The following CCSER1 variants were observed in gnomAD, a reference collection of about 807,000 sequenced individuals.
CCSER1 encodes coiled-coil serine rich protein 1.
A neutral mutation model predicts 82.0 loss-of-function variants in CCSER1; 41 were observed. The ratio of observed to expected loss-of-function variants is 0.50; its 90% confidence interval spans 0.39 to 0.65. The LOEUF (loss-of-function observed/expected upper bound fraction) is 0.65. Ranked by LOEUF, CCSER1 falls within the 30% of genes least tolerant of loss-of-function variation. The pLI, the probability that CCSER1 is intolerant of heterozygous loss-of-function variation, is 0.00. For missense variants in CCSER1, 1,119 were observed against 1,064.2 expected (o/e 1.05, Z -0.72); for synonymous variants, 414 against 383.9 (o/e 1.08, Z -0.92).
intron 1 of CCSER1, among the ~76,000 whole-genome samples, chr4:90,176,668 A>G (rs6532215): frequency 0.31 from 47,230 of 151,790 alleles, 8,598 homozygotes; most frequent in East Asian, 0.65. Context: ...GAAGATTCCC[A>G]GAACCATTCC....
intron 8 of CCSER1, among the ~76,000 whole-genome samples, chr4:90,916,642 A>T (rs1727474586): frequency 6.6e-6 from 1 of 152,226 alleles, no homozygotes; most frequent in South Asian, 2.1e-4. Flanking sequence ...AGCAATGGCA[A>T]CAAAAGCAAA....
At chr4:91,537,526 G>C (rs1761356934) in intron 10 of CCSER1, among the ~76,000 whole-genome samples, 5 of 151,892 alleles carry the variant, frequency 3.3e-5, no homozygotes, top group Admixed American at 3.3e-4. Flanking sequence ...CACAAAAATG[G>C]TATGAAACTT....
At chr4:90,505,907 A>G (rs151285668) in intron 5 of CCSER1, among the ~76,000 whole-genome samples, 51 of 152,244 alleles carry the variant, frequency 3.3e-4, no homozygotes, top group Non-Finnish European at 5.6e-4. Flanking sequence ...CACTCCCATT[A>G]AAGTCTCTTA....
At chr4:90,220,352 A>G (rs1392969703) in intron 1 of CCSER1, among the ~76,000 whole-genome samples, 1 of 152,080 alleles carries the variant, frequency 6.6e-6, no homozygotes, top group African/African-American at 2.4e-5. Flanking sequence ...CTTATCTCAA[A>G]ACAACAAACT....
chr4:91,084,451 A>C (rs1481473601), intron 9 of CCSER1, among the ~76,000 whole-genome samples: 1 of 152,158 alleles, frequency 6.6e-6, no homozygotes, highest in Non-Finnish European at 1.5e-5. Context: ...AAATTGAGAG[A>C]TATTATGTAA....
intron 7 of CCSER1, among the ~76,000 whole-genome samples, chr4:90,753,952 T>G (rs1206928880): frequency 6.6e-6 from 1 of 152,194 alleles, no homozygotes; most frequent in East Asian, 1.9e-4. Flanking sequence ...TATCATCCTG[T>G]CTTCACATTA....
At chr4:91,461,836 G>C (rs551455564) in intron 10 of CCSER1, among the ~76,000 whole-genome samples, 1 of 152,232 alleles carries the variant, frequency 6.6e-6, no homozygotes, top group Admixed American at 6.5e-5. Context: ...CAGGCATGTA[G>C]CAGATCCATA....
Position 90,172,553 on chromosome 4 carries a change from A to G in CCSER1, c.-42+44722A>G, listed in dbSNP as rs185761102. 5.4e-3 allele frequency among the ~76,000 whole-genome samples: 817 copies of G among 151,990 alleles called. 9 individuals carry two copies. The highest frequency in any genetic ancestry group is 0.019 in the African/African-American group (784 of 41,520). Reference sequence around the variant, plus strand: ...AATTCATTTAATCTGAATAACAACCATATCAGAAGTATAGTATAATTAATT... The same window carrying G: ...AATTCATTTAATCTGAATAACAACCGTATCAGAAGTATAGTATAATTAATT... On this transcript the variant is annotated intron_variant, in intron 1 of 10. Transcript: ENST00000509176.
chr4:90,784,863 T>C (rs1754261926), intron 7 of CCSER1, among the ~76,000 whole-genome samples: 1 of 152,150 alleles, frequency 6.6e-6, no homozygotes, highest in African/African-American at 2.4e-5. Flanking sequence ...AAAGAAAATG[T>C]TTTTAAGGAA....
At chr4:91,070,757 AAAT>A (rs948103089) in intron 9 of CCSER1, among the ~76,000 whole-genome samples, 3 of 152,174 alleles carry the variant, frequency 2.0e-5, no homozygotes, top group African/African-American at 7.2e-5. Context: ...GCGGTGGAAA[AAAT>A]GCCTTCCACA....
In CCSER1 at chr4:90,309,129, C is replaced by T; in HGVS notation, c.845C>T (p.Ser282Phe). The change falls in exon 2 of 11, where the codon TCC becomes TTC. Residue 282 changes from serine (S) to phenylalanine (F), a missense_variant. By Grantham distance (155) the Ser-to-Phe change is radical. Transcript: ENST00000509176. The part of the protein sequence containing the change: ...DAFSKSGSMA[S>F]HCDNFGHNDS... Reference sequence around the variant, plus strand: ...TTTTCTAAAAGTGGAAGCATGGCATCCCACTGTGACAACTTTGGCCACAAT... The same window carrying T: ...TTTTCTAAAAGTGGAAGCATGGCATTCCACTGTGACAACTTTGGCCACAAT... 1 of 1,613,850 alleles carries T rather than the reference C, an allele frequency of 6.2e-7. No individual in the cohort carries two copies. The highest frequency in any genetic ancestry group is 8.5e-7 in the Non-Finnish European group (1 of 1,179,824).
intron 4 of CCSER1, among the ~76,000 whole-genome samples, chr4:90,450,620 G>A (rs949911578): frequency 3.3e-5 from 5 of 152,132 alleles, no homozygotes; most frequent in African/African-American, 4.8e-5. Flanking sequence ...AGGAAATTCC[G>A]TCAGTTCCCT....
intron 5 of CCSER1, among the ~76,000 whole-genome samples, chr4:90,471,262 C>G (rs1336343986): frequency 6.6e-6 from 1 of 151,714 alleles, no homozygotes; most frequent in Non-Finnish European, 1.5e-5. Context: ...GATTCTTTCC[C>G]CCCAACCCCC....
intron 8 of CCSER1, among the ~76,000 whole-genome samples, chr4:90,825,291 G>A (rs555596666): frequency 5.9e-5 from 9 of 152,232 alleles, no homozygotes; most frequent in East Asian, 3.9e-4. Flanking sequence ...TAATTTATAC[G>A]TAAAGTTAAA....
At chr4:90,853,946 C>A (rs568692937) in intron 8 of CCSER1, among the ~76,000 whole-genome samples, 1 of 152,180 alleles carries the variant, frequency 6.6e-6, no homozygotes, top group African/African-American at 2.4e-5. Flanking sequence ...CCAATAAACC[C>A]ATTCATCTAT....
At position 90,749,788 on chromosome 4, in the gene CCSER1, G is replaced by A. The variant is rs1389695723; in HGVS notation, c.2010+25797G>A. 5.3e-5 allele frequency among the ~76,000 whole-genome samples: 8 copies of A among 151,980 alleles called. No homozygotes were observed. In the South Asian group the frequency reaches 1.3e-3, roughly 24 times the overall value. On this transcript the variant is annotated intron_variant, in intron 7 of 10. Coordinates refer to ENST00000509176, the MANE Select transcript of CCSER1 (RefSeq NM_001145065.2). ...TGTCTTTATAGCAGCATGATTTACA[G>A]TCCTTTGGGTATATACCCAGTAATG...
intron 9 of CCSER1, among the ~76,000 whole-genome samples, chr4:90,988,784 A>T (rs1406531313): frequency 4.6e-5 from 7 of 151,814 alleles, no homozygotes; most frequent in Admixed American, 4.6e-4. Flanking sequence ...AAGCTTTGAT[A>T]ATACATGGAA....
At chr4:91,202,285 T>C (rs1735964143) in intron 10 of CCSER1, among the ~76,000 whole-genome samples, 1 of 151,886 alleles carries the variant, frequency 6.6e-6, no homozygotes, top group Non-Finnish European at 1.5e-5. Context: ...ATTGCCCCCA[T>C]TTGCATGGTG....
intron 8 of CCSER1, among the ~76,000 whole-genome samples, chr4:90,825,244 C>T (rs1389341966): frequency 6.6e-6 from 1 of 152,028 alleles, no homozygotes; most frequent in East Asian, 1.9e-4. Context: ...AAAAATATTC[C>T]ACCATATTGT....
Sources: gnomAD v4.1 joint callset for allele counts (sites outside exome capture counted in the v4.1 genomes callset) on GRCh38, gnomAD v4.1.1 for gene constraint, MANE v1.5 for transcripts, NCBI Gene and HGNC (gene_info 2026-07-23, HGNC 2026-07-21) for gene names.